Variants in CSF1 observed in about 807,000 individuals in gnomAD.
The protein encoded by CSF1 is colony stimulating factor 1, also known as macrophage colony-stimulating factor 1.
Under a neutral mutation model 48.9 loss-of-function variants are expected in CSF1, and 9 were observed. The observed-to-expected ratio is 0.18, with a 90% CI of 0.11 to 0.32. The LOEUF (loss-of-function observed/expected upper bound fraction) is 0.32. Ranked by LOEUF, CSF1 falls within the 10% of genes least tolerant of loss-of-function variation. CSF1 has a pLI of 1.00. For synonymous variants in CSF1, 305 were observed against 284.1 expected, an observed-to-expected ratio of 1.07 and a Z score of -0.74; for missense variants, 672 against 697.9, an observed-to-expected ratio of 0.96 and a Z score of 0.42.
chr1:109,921,022 C>T (rs901614330), intron 4 of CSF1, among the ~76,000 whole-genome samples: 1 of 152,140 alleles, frequency 6.6e-6, no homozygotes, highest in Non-Finnish European at 1.5e-5. Context: ...CTCAGCCCTC[C>T]CTCTAAGACA....
chr1:109,921,774 G>T (rs1647554695), intron 4 of CSF1, 73 bp from the exon 5 acceptor site: 2 of 1,463,286 alleles, frequency 1.4e-6, no homozygotes, highest in East Asian at 4.9e-5. Context: ...AAGGCCAAGG[G>T]AATTTGACAA....
chr1:109,920,537 T>G (rs1647482992), intron 4 of CSF1, among the ~76,000 whole-genome samples: 1 of 152,174 alleles, frequency 6.6e-6, no homozygotes, highest in Non-Finnish European at 1.5e-5. Context: ...CAGGCTGATC[T>G]CGAACTCCTG....
rs1647267165 is a variant in CSF1, at chr1:109,917,357, T to C, written c.290T>C (p.Met97Thr). 3.1e-6 allele frequency: 5 copies of C among 1,614,078 alleles called. No homozygotes were observed. The highest frequency in any genetic ancestry group is 4.2e-6 in the Non-Finnish European group (5 of 1,180,036). Residue 97 changes from methionine to threonine, a missense_variant, in exon 4 of 9, where the codon ATG (methionine) becomes ACG (threonine). By Grantham distance (81) the Met-to-Thr change is moderately conservative. Coordinates refer to ENST00000329608, the MANE Select transcript of CSF1 (RefSeq NM_000757.6). ...LLVQDIMEDTMRFRDNTPNAI... is the reference protein window; with the variant it reads ...LLVQDIMEDTTRFRDNTPNAI... Reference sequence around the variant, plus strand: ...GTACAAGACATAATGGAGGACACCATGCGCTTCAGAGATAACACCCCCAAT... The same window carrying C: ...GTACAAGACATAATGGAGGACACCACGCGCTTCAGAGATAACACCCCCAAT...
intron 8 of CSF1, among the ~76,000 whole-genome samples, chr1:109,928,390 T>G (rs1380146303): frequency 2.0e-5 from 3 of 152,344 alleles, no homozygotes; most frequent in Admixed American, 2.0e-4. Context: ...GAACATCATA[T>G]GTGATGCCCC....
chr1:109,925,790 CA>C lies in CSF1; in HGVS notation c.*13+589del, dbSNP rs562364229. Reference sequence around the variant, plus strand: ...GGACTGCCCCTCTCCATGTCCCCAACAGGGAGCCAGCCAGCTGGCTGTCACA... The same window carrying C: ...GGACTGCCCCTCTCCATGTCCCCAACGGGAGCCAGCCAGCTGGCTGTCACA... On this transcript the variant is annotated intron_variant, in intron 8 of 8. Transcript: ENST00000329608. Among the ~76,000 whole-genome samples the C allele has an allele frequency of 3.3e-5, 5 of 152,298 alleles. No homozygotes were observed. In the South Asian group the frequency reaches 6.2e-4, roughly 19 times the overall value.
intron 8 of CSF1, among the ~76,000 whole-genome samples, chr1:109,928,560 C>G (rs956467275): frequency 6.6e-6 from 1 of 152,188 alleles, no homozygotes; most frequent in Admixed American, 6.5e-5. Flanking sequence ...GCAGTAACCC[C>G]TCTTCCCAGC....
chr1:109,919,373 G>A (rs1647410993), intron 4 of CSF1, among the ~76,000 whole-genome samples: 2 of 152,132 alleles, frequency 1.3e-5, no homozygotes, highest in Non-Finnish European at 2.9e-5. Context: ...GAGTAGCTGG[G>A]ACAACAGGCA....
In CSF1 at chr1:109,925,436, C is replaced by T. The variant is rs534643550; in HGVS notation, c.*13+234C>T. On this transcript the variant is annotated intron_variant, in intron 8 of 8. Transcript: ENST00000329608. Reference sequence around the variant, plus strand: ...CCCCCGCTGAGGCCAGGGACTATTACCTCTGCATTGGGCTTCTAGTGTTGC... The same window carrying T: ...CCCCCGCTGAGGCCAGGGACTATTATCTCTGCATTGGGCTTCTAGTGTTGC... Among the ~76,000 whole-genome samples, 34 of 152,198 alleles carry T rather than the reference C, an allele frequency of 2.2e-4. No individual in the cohort carries two copies. In the South Asian group the frequency reaches 5.8e-3, roughly 26 times the overall value.
chr1:109,914,020 A>C (rs1388101070), intron 1 of CSF1, among the ~76,000 whole-genome samples: 1 of 152,222 alleles, frequency 6.6e-6, no homozygotes, highest in Admixed American at 6.5e-5. Context: ...TGGCTGGCTT[A>C]ATCTGGGAAG....
intron 3 of CSF1, 71 bp from the exon 4 acceptor site, chr1:109,917,222 C>A: frequency 6.5e-7 from 1 of 1,527,788 alleles, no homozygotes; most frequent in Non-Finnish European, 8.9e-7. Flanking sequence ...CTGCAACCCT[C>A]CATCTGCCTG....
intron 4 of CSF1, 97 bp downstream of exon 4, chr1:109,917,560 G>A (rs1020441724): frequency 3.4e-5 from 41 of 1,205,078 alleles, no homozygotes; most frequent in South Asian, 5.6e-5. Flanking sequence ...CGCTCACCTC[G>A]CCTCACGCCA....
At chr1:109,912,468 G>C (rs1654729116) in intron 1 of CSF1, among the ~76,000 whole-genome samples, 1 of 152,146 alleles carries the variant, frequency 6.6e-6, no homozygotes, top group Non-Finnish European at 1.5e-5. Flanking sequence ...GCAAGCCAGA[G>C]TGTTAACCCC....
chr1:109,923,167 TGTG>T lies in CSF1; in HGVS notation c.550_552del (p.Val184del). 1 of 1,512,658 alleles carries T rather than the reference TGTG, an allele frequency of 6.6e-7. No homozygotes were observed. Among genetic ancestry groups the T allele is most frequent in the Non-Finnish European group, 8.8e-7 (1 of 1,130,130 alleles). 93.7% of individuals were successfully genotyped at this position (1,512,658 alleles called of 1,614,324 possible). A position where few individuals can be genotyped will look rare whatever the true frequency, so the allele number is the denominator to read the frequency against. On this transcript the variant is annotated inframe_deletion and splice_region_variant, in exon 6 of 9. Transcript: ENST00000329608. Reference sequence around the variant, plus strand: ...TCCTTCTCTCTGTGGTTCTTTCAGATGTGGTGACCAAGCCTGATTGCAACTGCC... The same window carrying T: ...TCCTTCTCTCTGTGGTTCTTTCAGATGTGACCAAGCCTGATTGCAACTGCC...
At chr1:109,920,669 G>A (rs999266403) in intron 4 of CSF1, among the ~76,000 whole-genome samples, 6 of 152,234 alleles carry the variant, frequency 3.9e-5, no homozygotes, top group South Asian at 2.1e-4. Flanking sequence ...GAGATGCGGC[G>A]ATGCCTTCAA....
chr1:109,914,948 C>T (rs1396580265), intron 2 of CSF1, among the ~76,000 whole-genome samples: 1 of 152,266 alleles, frequency 6.6e-6, no homozygotes, highest in Non-Finnish European at 1.5e-5. Context: ...TCTAATCAGA[C>T]CCATACGTGG....
At chr1:109,927,532 T>C (rs1360280108) in intron 8 of CSF1, among the ~76,000 whole-genome samples, 1 of 152,032 alleles carries the variant, frequency 6.6e-6, no homozygotes, top group African/African-American at 2.4e-5. Flanking sequence ...GTCTTGGCCC[T>C]CTGTCCCACC....
intron 1 of CSF1, 135 bp from the exon 2 acceptor site, chr1:109,914,124 A>T (rs560937020): frequency 1.1e-5 from 10 of 936,962 alleles, no homozygotes; most frequent in East Asian, 3.0e-5. Context: ...GATTTGAGGG[A>T]TGCTGTATCC....
At chr1:109,924,250 G>C in intron 6 of CSF1, 60 bp downstream of exon 6, 1 of 1,468,082 alleles carries the variant, frequency 6.8e-7, no homozygotes. Flanking sequence ...AGAGCCTGGC[G>C]GGGGTGCAGG....
At chr1:109,927,417 T>A (rs566911035) in intron 8 of CSF1, among the ~76,000 whole-genome samples, 1 of 152,314 alleles carries the variant, frequency 6.6e-6, no homozygotes, top group East Asian at 1.9e-4. Context: ...GCTGGGGCAC[T>A]GGCAAGACTG....
Sources: gnomAD v4.1 joint callset for allele counts (sites outside exome capture counted in the v4.1 genomes callset) on GRCh38, gnomAD v4.1.1 for gene constraint, MANE v1.5 for transcripts, NCBI Gene and HGNC (gene_info 2026-07-23, HGNC 2026-07-21) for gene names.